The following SORCS3 variants were observed in gnomAD, a reference collection of about 807,000 sequenced individuals.
The protein encoded by SORCS3 is sortilin related VPS10 domain containing receptor 3, also known as VPS10 domain-containing receptor SorCS3.
SORCS3 carries 57 observed loss-of-function variants against 146.3 expected under a neutral mutation model. That is an observed-to-expected ratio of 0.39 (90% CI 0.31 to 0.49). SORCS3 has a LOEUF of 0.49. SORCS3 is among the 20% of genes least tolerant of loss of function. The probability of loss-of-function intolerance (pLI) is 0.92; values close to 1 mark genes in which losing one functional copy is unlikely to be tolerated. For synonymous variants in SORCS3, 653 were observed against 618.5 expected (o/e 1.06, Z -0.83); for missense variants, 1,341 against 1,575.5 (o/e 0.85, Z 2.52).
chr10:105,105,892 C>T (rs897387412), intron 7 of SORCS3, among the ~76,000 whole-genome samples: 1 of 152,240 alleles, frequency 6.6e-6, no homozygotes, highest in Middle Eastern at 3.4e-3. Context: ...AATTAAGCAT[C>T]TTTAGGATTC....
In SORCS3 at chr10:105,214,496, C is replaced by G. The variant is rs752984608; in HGVS notation, c.2430C>G (p.Thr810=). 6.2e-7 allele frequency: 1 copy of G among 1,614,172 alleles called. No homozygotes were observed. Among genetic ancestry groups the G allele is most frequent in the Non-Finnish European group, 8.5e-7 (1 of 1,180,012 alleles). Residue 810 remains threonine, a synonymous_variant, in exon 18 of 27, where the codon ACC becomes ACG. Transcript: ENST00000369701. ...NCTDGLREKY[T]AKAQMCPGKA... ...CAGATGGGCTAAGGGAGAAGTACAC[C>G]GCCAAGGCCCAGATGTGCCCTGGAA...
chr10:104,957,900 A>G (rs1439879053), intron 3 of SORCS3, among the ~76,000 whole-genome samples: 1 of 152,006 alleles, frequency 6.6e-6, no homozygotes, highest in East Asian at 1.9e-4. Flanking sequence ...CAACCAAAAC[A>G]CCCTAAAAAA....
At chr10:104,948,247 C>T (rs2019393709) in intron 3 of SORCS3, among the ~76,000 whole-genome samples, 1 of 152,146 alleles carries the variant, frequency 6.6e-6, no homozygotes, top group South Asian at 2.1e-4. Context: ...CTGTATAAGT[C>T]TGTCCACGGG....
At position 105,147,810 on chromosome 10, in the gene SORCS3, A is replaced by G; in HGVS notation, c.1482+14A>G. On this transcript the variant is annotated intron_variant, in intron 9 of 26. Transcript: ENST00000369701. ...GAATTGTATGAGGTATGTAGCCAAA[A>G]TTCTCCTTCCCTTGGGTCTGTCTCT... 1 of 1,603,600 alleles carries G rather than the reference A, an allele frequency of 6.2e-7. No homozygotes were observed. The highest frequency in any genetic ancestry group is 8.5e-7 in the Non-Finnish European group (1 of 1,173,708).
chr10:104,994,122 T>C (rs1420911813), intron 4 of SORCS3, among the ~76,000 whole-genome samples: 1 of 152,206 alleles, frequency 6.6e-6, no homozygotes. Flanking sequence ...CAAATACTTA[T>C]TGAGCACTTA....
chr10:105,193,208 T>A (rs2056526341), intron 14 of SORCS3, among the ~76,000 whole-genome samples: 1 of 152,164 alleles, frequency 6.6e-6, no homozygotes, highest in Admixed American at 6.6e-5. Flanking sequence ...GTGGAAATCC[T>A]AGCACAGTCC....
chr10:104,992,652 A>G (rs2055001519), intron 4 of SORCS3, among the ~76,000 whole-genome samples: 1 of 152,156 alleles, frequency 6.6e-6, no homozygotes, highest in Non-Finnish European at 1.5e-5. Context: ...CCATTCACTC[A>G]TGCAACAGGA....
At chr10:104,844,160 A>G (rs753265390) in intron 2 of SORCS3, among the ~76,000 whole-genome samples, 2 of 152,186 alleles carry the variant, frequency 1.3e-5, no homozygotes, top group Admixed American at 6.5e-5. Context: ...TTTGCTGCTC[A>G]GTGAAAATTG....
intron 1 of SORCS3, among the ~76,000 whole-genome samples, chr10:104,823,150 G>T (rs947844229): frequency 6.6e-6 from 1 of 152,180 alleles, no homozygotes; most frequent in Admixed American, 6.5e-5. Context: ...CCAATAGGCA[G>T]ATGAGTAACG....
intron 3 of SORCS3, among the ~76,000 whole-genome samples, chr10:104,935,985 G>A (rs1364217808): frequency 1.3e-5 from 2 of 152,166 alleles, no homozygotes; most frequent in African/African-American, 2.4e-5. Context: ...ATTGCATCAG[G>A]TCTGTGTCCT....
intron 1 of SORCS3, among the ~76,000 whole-genome samples, chr10:104,783,455 C>T (rs531134210): frequency 3.6e-4 from 55 of 152,210 alleles, no homozygotes; most frequent in African/African-American, 8.2e-4. Context: ...ATCTTGGGGC[C>T]GGGCGTGGTG....
At chr10:104,685,904 T>C (rs1378533727) in intron 1 of SORCS3, among the ~76,000 whole-genome samples, 1 of 152,042 alleles carries the variant, frequency 6.6e-6, no homozygotes, top group Non-Finnish European at 1.5e-5. Flanking sequence ...ATAGGATAAG[T>C]TTTTGCTTCT....
At chr10:104,904,323 C>T (rs2018881287) in intron 2 of SORCS3, among the ~76,000 whole-genome samples, 1 of 152,182 alleles carries the variant, frequency 6.6e-6, no homozygotes, top group Non-Finnish European at 1.5e-5. Context: ...TACTTTTATA[C>T]ATTGTTAATA....
At chr10:104,857,731 A>G (rs61867306) in intron 2 of SORCS3, among the ~76,000 whole-genome samples, 3,382 of 152,052 alleles carry the variant, frequency 0.022, 106 homozygotes, top group Non-Finnish European at 0.022. Context: ...TTACATGGTG[A>G]GGGGCTATGA....
At chr10:105,117,706 A>T (rs2055903279) in intron 7 of SORCS3, among the ~76,000 whole-genome samples, 1 of 152,214 alleles carries the variant, frequency 6.6e-6, no homozygotes. Context: ...TGTATTCATA[A>T]TCCCATCTTC....
At chr10:104,882,335 C>T (rs1393937311) in intron 2 of SORCS3, among the ~76,000 whole-genome samples, 1 of 152,130 alleles carries the variant, frequency 6.6e-6, no homozygotes, top group Non-Finnish European at 1.5e-5. Context: ...AAAAGTGTGA[C>T]TATTTCTTTG....
At chr10:104,642,958 C>T (rs1371217945) in intron 1 of SORCS3, among the ~76,000 whole-genome samples, 1 of 152,254 alleles carries the variant, frequency 6.6e-6, no homozygotes, top group Non-Finnish European at 1.5e-5. Flanking sequence ...CCCGGAGGGG[C>T]TCCCCCTACC....
At chr10:105,158,814 G>T in intron 10 of SORCS3, 78 bp from the exon 11 acceptor site, 2 of 1,092,056 alleles carry the variant, frequency 1.8e-6, no homozygotes, top group East Asian at 2.4e-5. Context: ...CTGAACATCG[G>T]GAAGCCCATC....
At chr10:104,710,048 T>C (rs1471343291) in intron 1 of SORCS3, among the ~76,000 whole-genome samples, 1 of 152,142 alleles carries the variant, frequency 6.6e-6, no homozygotes, top group Non-Finnish European at 1.5e-5. Flanking sequence ...AGGGGTAGAA[T>C]TTATTTGCAA....
Sources: allele counts gnomAD v4.1 joint callset (sites outside exome capture counted in the v4.1 genomes callset), GRCh38; gene constraint gnomAD v4.1.1; transcripts MANE v1.5; gene names NCBI Gene and HGNC (gene_info 2026-07-23, HGNC 2026-07-21).